The following NRK variants were observed in gnomAD, a reference collection of about 807,000 sequenced individuals.
NRK encodes the protein nik-related protein kinase.
A neutral mutation model predicts 125.2 loss-of-function variants in NRK; 67 were observed. That is an observed-to-expected ratio of 0.54 (90% CI 0.44 to 0.66). The LOEUF (loss-of-function observed/expected upper bound fraction) is 0.66. Among genes scored for constraint, NRK ranks in the 30% least tolerant of loss-of-function variants. The pLI is 0.00. For missense variants in NRK, 1,224 were observed against 1,192.9 expected, an observed-to-expected ratio of 1.03 and a Z score of -0.38; for synonymous variants, 458 against 429.0, an observed-to-expected ratio of 1.07 and a Z score of -0.84.
At chrX:105,912,626 T>C in intron 13 of NRK, 22 bp from the exon 14 acceptor site, 1 of 842,269 alleles carries the variant, frequency 1.2e-6, no homozygotes, top group Non-Finnish European at 1.6e-6. Context: ...TTAAAACAAT[T>C]ACTTTCCTTT....
rs1209473414 is a variant in NRK at position 105,923,440 on chromosome X, A to T, written c.2933A>T (p.Asp978Val). Residue 978 changes from aspartate (D) to valine (V), a missense_variant, in exon 18 of 29, where the codon GAT becomes GTT. Asp to Val is a radical substitution (Grantham distance 152). Transcript: ENST00000243300. ...GATGATGACAACAATAAGTTTGTTGATGATGTAAATAATAATTATTATGAG... is the reference window on the plus strand; with the variant it reads ...GATGATGACAACAATAAGTTTGTTGTTGATGTAAATAATAATTATTATGAG... Reference protein sequence around the residue: ...DHDDDNNKFVDDVNNNYYEAP... With the variant: ...DHDDDNNKFVVDVNNNYYEAP... The T allele has an allele frequency of 8.8e-7, 1 of 1,141,380 alleles. No homozygotes were observed. Among genetic ancestry groups the T allele is most frequent in the Non-Finnish European group, 1.2e-6 (1 of 854,360 alleles). 94.1% of individuals were successfully genotyped at this position (1,141,380 alleles called of 1,213,427 possible).
At chrX:105,934,020 TTGTACAG>T in intron 19 of NRK, among the ~76,000 whole-genome samples, 1 of 111,778 alleles carries the variant, frequency 8.9e-6, no homozygotes, top group Middle Eastern at 4.6e-3. Flanking sequence ...AGGTCTCAAA[TTGTACAG>T]TTGGGAACCT....
At chrX:105,931,962 A>G (rs1569316104) in intron 19 of NRK, among the ~76,000 whole-genome samples, 3 of 110,698 alleles carry the variant, frequency 2.7e-5, no homozygotes, top group Non-Finnish European at 5.7e-5. Flanking sequence ...TTCAGAACTT[A>G]TTTTTTTTAC....
chrX:105,875,982 C>T (rs2039810668), intron 2 of NRK, among the ~76,000 whole-genome samples: 1 of 110,497 alleles, frequency 9.1e-6, no homozygotes, highest in Non-Finnish European at 1.9e-5. Context: ...CATGGAAGAA[C>T]CTGGAAGACA....
rs769886591 is a variant in NRK at position 105,909,176 on chromosome X, A to G, written c.1535A>G (p.Asp512Gly). 8.3e-7 allele frequency: 1 copy of G among 1,211,055 alleles called. No homozygotes were observed. The change falls in exon 13 of 29, where the codon GAT becomes GGT. Residue 512 changes from aspartate to glycine, a missense_variant. By Grantham distance (94) the Asp-to-Gly change is moderately conservative. Coordinates refer to ENST00000243300, the MANE Select transcript of NRK (RefSeq NM_198465.4). The stretch of plus-strand genomic sequence containing the variant: ...CAGACCCAGACATCAGAACCACAAG[A>G]TTTGGACCAGGTACCAGAGGAATTT... ...QAQTQTSEPQ[D>G]LDQVPEEFQG...
At chrX:105,894,004 T>C in intron 6 of NRK, 62 bp downstream of exon 6, 1 of 607,353 alleles carries the variant, frequency 1.6e-6, no homozygotes, top group South Asian at 2.8e-5. Flanking sequence ...ATATATACAA[T>C]GCACCTTATA....
Position 105,924,706 on chromosome X carries a change from G to A in NRK, c.2987G>A (p.Gly996Asp), listed in dbSNP as rs770816601. 8.4e-7 allele frequency: 1 copy of A among 1,194,332 alleles called. No homozygotes were observed. Residue 996 changes from glycine (G) to aspartate (D), a missense_variant, in exon 19 of 29, where the codon GGC becomes GAC. Transcript: ENST00000243300. Reference protein sequence around the residue: ...EAPSCPRASYGRDGSCKQDGY... With the variant: ...EAPSCPRASYDRDGSCKQDGY... ...GAGCTTGTTGTCAGGGCAAGCTATG[G>A]CAGAGATGGAAGCTGCAAGCAAGAT... is the stretch of plus-strand genomic sequence containing the variant.
At chrX:105,886,197 A>G (rs2039942108) in intron 4 of NRK, among the ~76,000 whole-genome samples, 1 of 109,568 alleles carries the variant, frequency 9.1e-6, no homozygotes, top group Admixed American at 1.0e-4. Flanking sequence ...AGACCCATAT[A>G]TCCTTTCTGT....
chrX:105,830,314 CAAAAAAAAAAA>C (rs71932033), intron 1 of NRK, among the ~76,000 whole-genome samples: 2 of 11,051 alleles, frequency 1.8e-4, no homozygotes, highest in African/African-American at 3.1e-4. Flanking sequence ...AACTCCGTCG[CAAAAAAAAAAA>C]AAAAAAAAAA....
intron 19 of NRK, among the ~76,000 whole-genome samples, chrX:105,929,098 TTATTA>T (rs1380436778): frequency 2.0e-4 from 22 of 112,027 alleles, no homozygotes; most frequent in Non-Finnish European, 4.0e-4. Context: ...TTCTCAACTA[TTATTA>T]TATTGTAGTT....
rs2147782559 is a variant in NRK at position 105,934,431 on chromosome X, T to G, written c.3486T>G (p.Phe1162Leu). ...KGSGMSADANFASAILYAGFV... is the reference protein window; with the variant it reads ...KGSGMSADANLASAILYAGFV... ...CTGGGATGTCTGCTGATGCTAACTTTGCCAGTGCCATCTGTGAGTGTGTTC... is the reference window on the plus strand; with the variant it reads ...CTGGGATGTCTGCTGATGCTAACTTGGCCAGTGCCATCTGTGAGTGTGTTC... Residue 1162 changes from phenylalanine (F) to leucine (L), a missense_variant, in exon 20 of 29, where the codon TTT becomes TTG. Coordinates refer to ENST00000243300, the MANE Select transcript of NRK (RefSeq NM_198465.4). The G allele has an allele frequency of 8.4e-7, 1 of 1,183,972 alleles. No homozygotes were observed. The highest frequency in any genetic ancestry group is 3.0e-5 in the East Asian group (1 of 33,621).
At chrX:105,919,895 T>G (rs2040416265) in intron 16 of NRK, among the ~76,000 whole-genome samples, 1 of 109,146 alleles carries the variant, frequency 9.2e-6, no homozygotes, top group South Asian at 4.0e-4. Context: ...CTCTTTAGTT[T>G]AATTAGATCC....
intron 4 of NRK, among the ~76,000 whole-genome samples, chrX:105,885,439 T>C (rs946118836): frequency 4.4e-5 from 5 of 112,857 alleles, no homozygotes; most frequent in African/African-American, 1.6e-4. Context: ...AAACCAATTA[T>C]ATTTTCATTG....
chrX:105,897,529 A>C (rs982595478), intron 7 of NRK, among the ~76,000 whole-genome samples: 5 of 111,253 alleles, frequency 4.5e-5, no homozygotes, highest in African/African-American at 1.6e-4. Flanking sequence ...TCTTCTATTA[A>C]TCAGTCTTCT....
intron 1 of NRK, 46 bp downstream of exon 1, chrX:105,822,948 G>T: frequency 9.4e-7 from 1 of 1,067,292 alleles, no homozygotes. Context: ...CTCTTTTGGC[G>T]GGTTCTGCGT....
In NRK at chrX:105,942,090, T is replaced by A. The variant is rs183943538; in HGVS notation, c.3959-1851T>A. Among the ~76,000 whole-genome samples, 29 of 111,971 alleles carry A rather than the reference T, an allele frequency of 2.6e-4. No homozygotes were observed. The Admixed American group carries it at 2.6e-3, about 10-fold the overall frequency. The stretch of plus-strand genomic sequence containing the variant: ...TTTACTTAGCATAATATTTTCAAGG[T>A]TTGTCTATGTTATATATAACATGTA... On this transcript the variant is annotated intron_variant, in intron 23 of 28. Coordinates refer to ENST00000243300, the MANE Select transcript of NRK (RefSeq NM_198465.4).
Position 105,867,169 on chromosome X carries a change from A to T in NRK, c.124-13030A>T, listed in dbSNP as rs150614991. Among the ~76,000 whole-genome samples, 706 of 111,877 alleles carry T rather than the reference A, an allele frequency of 6.3e-3. 3 individuals carry two copies. Among genetic ancestry groups the T allele is most frequent in the Non-Finnish European group, 9.9e-3 (527 of 53,064 alleles). On this transcript the variant is annotated intron_variant, in intron 2 of 28. Transcript: ENST00000243300. ...TTAGATTTTAAATTAATTCAGATTG[A>T]CCTTCCTGATAATACTGCTAAATAA...
At chrX:105,954,087 C>G (rs1454418132) in intron 28 of NRK, among the ~76,000 whole-genome samples, 1 of 111,252 alleles carries the variant, frequency 9.0e-6, no homozygotes, top group Non-Finnish European at 1.9e-5. Flanking sequence ...GTTCCTTCAT[C>G]TCCAAAATAG....
At chrX:105,919,608 G>C (rs1239448360) in intron 16 of NRK, among the ~76,000 whole-genome samples, 1 of 111,797 alleles carries the variant, frequency 8.9e-6, no homozygotes, top group Non-Finnish European at 1.9e-5. Flanking sequence ...ACTGCAGAAA[G>C]TTTTGTTGTA....
Sources: gnomAD v4.1 joint callset for allele counts (sites outside exome capture counted in the v4.1 genomes callset) on GRCh38, gnomAD v4.1.1 for gene constraint, MANE v1.5 for transcripts, NCBI Gene and HGNC (gene_info 2026-07-23, HGNC 2026-07-21) for gene names.